Variants in SORBS2 observed in about 807,000 individuals in gnomAD.
SORBS2 encodes the protein sorbin and SH3 domain-containing protein 2.
A neutral mutation model predicts 97.7 loss-of-function variants in SORBS2; 46 were observed. The ratio of observed to expected loss-of-function variants is 0.47; its 90% CI spans 0.37 to 0.60. The LOEUF (loss-of-function observed/expected upper bound fraction) is 0.60. Ranked by LOEUF, SORBS2 falls within the 20% of genes least tolerant of loss-of-function variation. The pLI is 0.00. For synonymous variants in SORBS2, 476 were observed against 473.4 expected (o/e 1.01, Z -0.07); for missense variants, 1,316 against 1,282.3 (o/e 1.03, Z -0.40).
upstream of SORBS2, among the ~76,000 whole-genome samples, chr4:185,659,060 C>T (rs2097462383): frequency 6.6e-6 from 1 of 152,090 alleles, no homozygotes; most frequent in Non-Finnish European, 1.5e-5. Flanking sequence ...AATTAAAATT[C>T]AGATCTCTCT....
chr4:185,909,447 T>C (rs1242279754), intron 1 of SORBS2, among the ~76,000 whole-genome samples: 14 of 152,168 alleles, frequency 9.2e-5, no homozygotes, highest in Admixed American at 9.2e-4. Context: ...GTACATTATC[T>C]GGGTGATGGA....
At chr4:185,889,468 T>C (rs952985769) in intron 1 of SORBS2, among the ~76,000 whole-genome samples, 2 of 152,158 alleles carry the variant, frequency 1.3e-5, no homozygotes, top group Non-Finnish European at 2.9e-5. Context: ...TCATTAGTGA[T>C]TTCATAGTTA....
In SORBS2 at chr4:185,626,976, C is replaced by T. The variant is rs1561507766; in HGVS notation, c.490G>A (p.Glu164Lys). 2.5e-6 allele frequency: 4 copies of T among 1,614,192 alleles called. No individual in the cohort carries two copies. The highest frequency in any genetic ancestry group is 1.7e-5 in the Admixed American group (1 of 60,018). ...CCCCGTGGTGGACCCACTGCAGGCTCGCTCTTCCTCCGCTTCCTGAAGTCA... is the reference window on the plus strand; with the variant it reads ...CCCCGTGGTGGACCCACTGCAGGCTTGCTCTTCCTCCGCTTCCTGAAGTCA... Residue 164 changes from glutamate to lysine, a missense_variant, in exon 6 of 15, where the codon GAG becomes AAG. Physicochemically the swap from Glu to Lys is moderately conservative, Grantham distance 56 (BLOSUM62 1). Transcript: ENST00000418609.
At chr4:185,947,647 T>G (rs2099275165) in intron 1 of SORBS2, among the ~76,000 whole-genome samples, 1 of 152,164 alleles carries the variant, frequency 6.6e-6, no homozygotes, top group African/African-American at 2.4e-5. Flanking sequence ...GTTTCGCTCT[T>G]GTTGCCCAGG....
chr4:185,620,601 T>A lies in SORBS2; in HGVS notation c.2216-450A>T, dbSNP rs116817524. ...AACATTTTGTGGAGTAATTTAAGACTGTAGTAATGAAAAAGAAAGAGATAA... is the reference window on the plus strand; with the variant it reads ...AACATTTTGTGGAGTAATTTAAGACAGTAGTAATGAAAAAGAAAGAGATAA... On this transcript the variant is annotated intron_variant, in intron 7 of 14. Transcript: ENST00000418609. 8.7e-3 allele frequency among the ~76,000 whole-genome samples: 1,319 copies of A among 152,288 alleles called. 21 individuals carry two copies. Among genetic ancestry groups the A allele is most frequent in the African/African-American group, 0.03 (1,255 of 41,546 alleles).
intron 2 of SORBS2, among the ~76,000 whole-genome samples, chr4:185,710,978 A>AT (rs1382024561): frequency 2.8e-5 from 4 of 144,704 alleles, no homozygotes; most frequent in Non-Finnish European, 6.3e-5. Flanking sequence ...TTTATTTTTT[A>AT]TTTTTTTTAG....
At chr4:185,655,264 G>C (rs923105618) in intron 1 of SORBS2, among the ~76,000 whole-genome samples, 1 of 152,192 alleles carries the variant, frequency 6.6e-6, no homozygotes, top group Non-Finnish European at 1.5e-5. Flanking sequence ...CTGTTTCCTC[G>C]GCATAGGCTG....
chr4:185,840,047 G>C (rs1027574520), intron 1 of SORBS2, among the ~76,000 whole-genome samples: 2 of 152,180 alleles, frequency 1.3e-5, no homozygotes, highest in Non-Finnish European at 2.9e-5. Flanking sequence ...GAGCAGCACA[G>C]CTCCACGCAG....
chr4:185,603,878 C>G (rs1405684398), intron 12 of SORBS2, among the ~76,000 whole-genome samples: 2 of 152,164 alleles, frequency 1.3e-5, no homozygotes, highest in Non-Finnish European at 2.9e-5. Flanking sequence ...AAAGGATGAT[C>G]CTTCCCACAT....
At chr4:185,589,766 A>G in exon 14 of SORBS2, 1 of 1,604,042 alleles carries the variant, frequency 6.2e-7, no homozygotes. Flanking sequence ...CTGGGAGTAT[A>G]GTTATACAGA....
At chr4:185,949,399 A>T (rs1298246426) in intron 1 of SORBS2, among the ~76,000 whole-genome samples, 1 of 152,170 alleles carries the variant, frequency 6.6e-6, no homozygotes, top group Non-Finnish European at 1.5e-5. Flanking sequence ...GACATTCATT[A>T]TCCTATTTAA....
intron 1 of SORBS2, among the ~76,000 whole-genome samples, chr4:185,796,405 A>C: frequency 6.6e-6 from 1 of 152,104 alleles, no homozygotes; most frequent in Admixed American, 6.5e-5. Context: ...AGCCATACCA[A>C]TGGCTCCCAG....
At chr4:185,758,837 T>A (rs560135220) in intron 2 of SORBS2, among the ~76,000 whole-genome samples, 21 of 152,354 alleles carry the variant, frequency 1.4e-4, no homozygotes, top group African/African-American at 5.1e-4. Context: ...GGTAACCCTA[T>A]GGGCAACCCC....
At chr4:185,886,442 T>A (rs1385865282) in intron 1 of SORBS2, among the ~76,000 whole-genome samples, 1 of 150,840 alleles carries the variant, frequency 6.6e-6, no homozygotes, top group East Asian at 1.9e-4. Flanking sequence ...TTAGTCCCAG[T>A]TACTCAGGAG....
intron 1 of SORBS2, among the ~76,000 whole-genome samples, chr4:185,922,187 T>C (rs1427749365): frequency 3.9e-5 from 6 of 152,244 alleles, no homozygotes; most frequent in African/African-American, 1.4e-4. Flanking sequence ...AGCATAACTA[T>C]GTGGTTATCT....
intron 12 of SORBS2, among the ~76,000 whole-genome samples, chr4:185,610,486 G>A (rs539182095): frequency 1.1e-3 from 160 of 152,200 alleles, no homozygotes; most frequent in African/African-American, 3.5e-3. Flanking sequence ...TATTATCCAT[G>A]AATACAGGGT....
intron 13 of SORBS2, 114 bp downstream of exon 25, chr4:185,593,772 C>A: frequency 1.4e-6 from 1 of 710,326 alleles, no homozygotes; most frequent in Non-Finnish European, 2.5e-6. Flanking sequence ...TTTAAGAGGC[C>A]TCATGTTAGT....
At chr4:185,906,353 G>T (rs1359752392) in intron 1 of SORBS2, among the ~76,000 whole-genome samples, 1 of 152,136 alleles carries the variant, frequency 6.6e-6, no homozygotes. Context: ...TATAAGTAAT[G>T]ATTTGCTTTA....
At chr4:185,946,770 A>G (rs1201250645) in intron 1 of SORBS2, among the ~76,000 whole-genome samples, 1 of 152,240 alleles carries the variant, frequency 6.6e-6, no homozygotes, top group African/African-American at 2.4e-5. Flanking sequence ...CATATCTTTC[A>G]ATTAAAGTGC....
Sources: gnomAD v4.1 joint callset for allele counts (sites outside exome capture counted in the v4.1 genomes callset) on GRCh38, gnomAD v4.1.1 for gene constraint, MANE v1.5 for transcripts, NCBI Gene and HGNC (gene_info 2026-07-23, HGNC 2026-07-21) for gene names.